Variants in SUGCT observed in about 807,000 individuals in gnomAD.
SUGCT encodes succinyl-CoA:glutarate-CoA transferase.
Under a neutral mutation model 55.0 loss-of-function variants are expected in SUGCT, and 41 were observed. That is an observed-to-expected ratio of 0.74 (90% CI 0.58 to 0.97). The LOEUF is 0.97. Ranked by LOEUF, SUGCT falls within the 50% of genes least tolerant of loss-of-function variation. The pLI is 0.00. For synonymous variants in SUGCT, 187 were observed against 200.4 expected (o/e 0.93, Z 0.56); for missense variants, 568 against 547.8 (o/e 1.04, Z -0.37).
intron 9 of SUGCT, among the ~76,000 whole-genome samples, chr7:40,331,523 G>A (rs144516190): frequency 2.6e-5 from 4 of 152,262 alleles, no homozygotes; most frequent in African/African-American, 4.8e-5. Flanking sequence ...GTGGCATAGG[G>A]TCTGGCACAT....
At chr7:40,700,246 G>C (rs1342198895) in intron 12 of SUGCT, among the ~76,000 whole-genome samples, 2 of 152,186 alleles carry the variant, frequency 1.3e-5, no homozygotes, top group Non-Finnish European at 2.9e-5. Flanking sequence ...TACATTAACT[G>C]AGTGGGCCTG....
the SUGCT span, among the ~76,000 whole-genome samples, chr7:40,906,489 T>C: frequency 6.6e-6 from 1 of 152,224 alleles, no homozygotes; most frequent in Non-Finnish European, 1.5e-5. Flanking sequence ...TCCATATCTG[T>C]GGGTTCCACA....
intron 13 of SUGCT, among the ~76,000 whole-genome samples, chr7:40,759,322 A>G (rs1481884775): frequency 6.6e-6 from 1 of 152,214 alleles, no homozygotes; most frequent in Non-Finnish European, 1.5e-5. Context: ...TTTTAATGGC[A>G]TAATTGCTGT....
the SUGCT span, among the ~76,000 whole-genome samples, chr7:40,970,368 C>T: frequency 2.2e-4 from 33 of 152,200 alleles, no homozygotes; most frequent in South Asian, 6.2e-4. Context: ...GACAAGGTTT[C>T]GCCATGTTAG....
At chr7:40,450,830 T>G (rs1789152825) in intron 10 of SUGCT, among the ~76,000 whole-genome samples, 1 of 151,988 alleles carries the variant, frequency 6.6e-6, no homozygotes, top group Non-Finnish European at 1.5e-5. Flanking sequence ...AGTTAACTTA[T>G]TATGTACAGA....
At position 40,663,206 on chromosome 7, in the gene SUGCT, T is replaced by C. The variant is rs539477652; in HGVS notation, c.1090-86228T>C. Among the ~76,000 whole-genome samples the C allele has an allele frequency of 5.3e-5, 8 of 152,352 alleles. No homozygotes were observed. The South Asian group carries it at 1.2e-3, about 24-fold the overall frequency. Reference sequence around the variant, plus strand: ...GTAAATAAAGAATTGATCAGTCTTATGGACTTTGTTTAATTTTTAATTAAG... The same window carrying C: ...GTAAATAAAGAATTGATCAGTCTTACGGACTTTGTTTAATTTTTAATTAAG... On this transcript the variant is annotated intron_variant, in intron 12 of 13. Coordinates refer to ENST00000335693, the MANE Select transcript of SUGCT (RefSeq NM_001193313.2).
intron 6 of SUGCT, among the ~76,000 whole-genome samples, chr7:40,233,021 T>C (rs1484029722): frequency 6.6e-6 from 1 of 152,116 alleles, no homozygotes; most frequent in Non-Finnish European, 1.5e-5. Flanking sequence ...TAATGAATAA[T>C]TTCATTCTGC....
chr7:40,865,947 C>A, the SUGCT span, among the ~76,000 whole-genome samples: 1 of 152,276 alleles, frequency 6.6e-6, no homozygotes, highest in East Asian at 1.9e-4. Context: ...ATGCCTCCTC[C>A]CTTTCTCTTT....
At chr7:40,686,925 G>A (rs775594085) in intron 12 of SUGCT, among the ~76,000 whole-genome samples, 1 of 152,038 alleles carries the variant, frequency 6.6e-6, no homozygotes, top group South Asian at 2.1e-4. Flanking sequence ...ACTTTAAGCC[G>A]ATGCTCATGT....
At chr7:40,318,727 A>G (rs1213669111) in intron 9 of SUGCT, among the ~76,000 whole-genome samples, 1 of 152,238 alleles carries the variant, frequency 6.6e-6, no homozygotes, top group Non-Finnish European at 1.5e-5. Context: ...ATGAGCCACC[A>G]TGCCTGGCCT....
chr7:40,339,243 G>A (rs565558057), intron 9 of SUGCT, among the ~76,000 whole-genome samples: 155 of 152,300 alleles, frequency 1.0e-3, no homozygotes, highest in African/African-American at 3.7e-3. Context: ...CTCAAACTCT[G>A]TGTTGGGAGA....
intron 13 of SUGCT, among the ~76,000 whole-genome samples, chr7:40,829,542 T>C (rs1792544924): frequency 6.6e-6 from 1 of 152,182 alleles, no homozygotes; most frequent in Non-Finnish European, 1.5e-5. Flanking sequence ...TCAGCATGTT[T>C]TGAAATATTT....
chr7:40,966,709 C>T, the SUGCT span: 1 of 152,204 alleles, frequency 6.6e-6, no homozygotes, highest in Non-Finnish European at 1.5e-5. Context: ...CCAGCCTTCA[C>T]AAAAGAGTTG....
chr7:40,661,254 A>G (rs1354961220), intron 12 of SUGCT, among the ~76,000 whole-genome samples: 2 of 152,116 alleles, frequency 1.3e-5, no homozygotes, highest in Non-Finnish European at 2.9e-5. Flanking sequence ...TTAACTTCTC[A>G]TTGCTCATCA....
intron 13 of SUGCT, among the ~76,000 whole-genome samples, chr7:40,803,377 G>A (rs1262247443): frequency 6.6e-6 from 1 of 152,060 alleles, no homozygotes; most frequent in Non-Finnish European, 1.5e-5. Flanking sequence ...TTATCTTACC[G>A]ATGGGCAGCT....
the SUGCT span, among the ~76,000 whole-genome samples, chr7:40,907,097 G>A: frequency 4.5e-5 from 4 of 89,222 alleles, no homozygotes; most frequent in East Asian, 1.8e-3. Context: ...TGTTCTGATA[G>A]TGTGTGTGTG....
At chr7:40,689,190 G>A (rs767199846) in intron 12 of SUGCT, among the ~76,000 whole-genome samples, 2 of 152,162 alleles carry the variant, frequency 1.3e-5, no homozygotes, top group Non-Finnish European at 2.9e-5. Context: ...TTTTGCCTGT[G>A]TGTTTACTAA....
At chr7:40,694,614 T>A (rs941411862) in intron 12 of SUGCT, among the ~76,000 whole-genome samples, 11 of 152,230 alleles carry the variant, frequency 7.2e-5, no homozygotes, top group African/African-American at 2.7e-4. Context: ...CTGAAAGTGA[T>A]TCACGTTGTT....
chr7:40,335,049 G>T (rs1007410247), intron 9 of SUGCT, among the ~76,000 whole-genome samples: 1 of 152,216 alleles, frequency 6.6e-6, no homozygotes, highest in Non-Finnish European at 1.5e-5. Context: ...GTTTGTCAAA[G>T]ATCAGATGGT....
Sources: gnomAD v4.1 joint callset for allele counts (sites outside exome capture counted in the v4.1 genomes callset) on GRCh38, gnomAD v4.1.1 for gene constraint, MANE v1.5 for transcripts, NCBI Gene and HGNC (gene_info 2026-07-23, HGNC 2026-07-21) for gene names.